Variants in ZNF652 observed in about 807,000 individuals in gnomAD.
The protein encoded by ZNF652 is zinc finger protein 652.
A neutral mutation model predicts 45.2 loss-of-function variants in ZNF652; 16 were observed. The ratio of observed to expected loss-of-function variants is 0.35; its 90% CI spans 0.24 to 0.54. The LOEUF is 0.54. Among genes scored for constraint, ZNF652 ranks in the 20% least tolerant of loss-of-function variants. ZNF652 has a pLI of 0.91. For synonymous variants in ZNF652, 250 were observed against 260.6 expected (o/e 0.96, Z 0.39); for missense variants, 614 against 765.6 (o/e 0.80, Z 2.34).
intron 1 of ZNF652, among the ~76,000 whole-genome samples, chr17:49,324,268 A>T (rs1051835191): frequency 6.6e-6 from 1 of 152,220 alleles, no homozygotes; most frequent in Non-Finnish European, 1.5e-5. Context: ...CTCGGCCTTC[A>T]AAGAAGTGAA....
intron 1 of ZNF652, among the ~76,000 whole-genome samples, chr17:49,349,265 T>C (rs2070244817): frequency 6.6e-6 from 1 of 152,082 alleles, no homozygotes; most frequent in East Asian, 1.9e-4. Context: ...CTACTAAAAA[T>C]ACAAAAATTT....
rs2069734001 is a variant in ZNF652 at position 49,312,719 on chromosome 17, G to A, written c.1027C>T (p.His343Tyr). 3 of 1,613,628 alleles carry A rather than the reference G, an allele frequency of 1.9e-6. No individual in the cohort carries two copies. Among genetic ancestry groups the A allele is most frequent in the Admixed American group, 1.7e-5 (1 of 59,884 alleles). ...ICEKKFYTMA[H>Y]VRKHMVAHTK... ...TTACCAACCATGTGTTTCCGCACAT[G>A]AGCCATGGTATAGAATTTCTTCTCA... Residue 343 changes from histidine (H) to tyrosine (Y), a missense_variant, in exon 3 of 6, where the codon CAT (histidine) becomes TAT (tyrosine). His to Tyr is a moderately conservative substitution (Grantham distance 83). Transcript: ENST00000430262.
intron 1 of ZNF652, among the ~76,000 whole-genome samples, chr17:49,334,388 G>A (rs2070058393): frequency 6.6e-6 from 1 of 152,140 alleles, no homozygotes; most frequent in African/African-American, 2.4e-5. Flanking sequence ...GGAGGCTAAG[G>A]TGGGAATATT....
At chr17:49,306,844 G>A (rs1458997846) in intron 5 of ZNF652, among the ~76,000 whole-genome samples, 2 of 152,000 alleles carry the variant, frequency 1.3e-5, no homozygotes, top group Non-Finnish European at 2.9e-5. Context: ...CCTCCCTGTC[G>A]TGGGCTCAAG....
At chr17:49,304,405 C>T (rs983484862) in intron 5 of ZNF652, among the ~76,000 whole-genome samples, 2 of 152,124 alleles carry the variant, frequency 1.3e-5, no homozygotes, top group Non-Finnish European at 2.9e-5. Context: ...CTCTAAATCT[C>T]ATTATTCATT....
At chr17:49,325,494 C>A (rs1342599434) in intron 1 of ZNF652, among the ~76,000 whole-genome samples, 2 of 152,062 alleles carry the variant, frequency 1.3e-5, no homozygotes, top group African/African-American at 2.4e-5. Flanking sequence ...GGGAGAATTA[C>A]CAAAATGTGA....
At chr17:49,341,241 AAAG>A (rs1433731789) in intron 1 of ZNF652, among the ~76,000 whole-genome samples, 1 of 151,996 alleles carries the variant, frequency 6.6e-6, no homozygotes, top group Non-Finnish European at 1.5e-5. Flanking sequence ...GAAGAAAAGA[AAAG>A]AAAAACTATG....
chr17:49,310,493 T>C (rs150758985), intron 5 of ZNF652, among the ~76,000 whole-genome samples: 1 of 152,348 alleles, frequency 6.6e-6, no homozygotes, highest in African/African-American at 2.4e-5. Flanking sequence ...ATCCATGCTA[T>C]GGAACATATG....
At chr17:49,346,267 C>T (rs1227744053) in intron 1 of ZNF652, among the ~76,000 whole-genome samples, 1 of 152,142 alleles carries the variant, frequency 6.6e-6, no homozygotes, top group Non-Finnish European at 1.5e-5. Context: ...AAAAAACAAA[C>T]AGGATGGGCT....
intron 1 of ZNF652, among the ~76,000 whole-genome samples, chr17:49,335,192 A>G (rs1183942933): frequency 1.3e-5 from 2 of 152,236 alleles, no homozygotes; most frequent in East Asian, 3.8e-4. Context: ...ATCTGAAGTA[A>G]TAAGATCATG....
chr17:49,309,971 T>A (rs937316357), intron 5 of ZNF652, among the ~76,000 whole-genome samples: 5 of 152,124 alleles, frequency 3.3e-5, no homozygotes, highest in African/African-American at 1.2e-4. Context: ...CTTTTTTTTT[T>A]GAGACGGAGT....
At position 49,317,315 on chromosome 17, in the gene ZNF652, G is replaced by A. The variant is rs769238381; in HGVS notation, c.411C>T (p.Val137=). The stretch of plus-strand genomic sequence containing the variant: ...CAGGAGTCTCTTTGGACTGAGAAGA[G>A]ACACCCTTTTCCCCTTTAGATACAT... ...TLNVSKGEKG[V]SSQSKETPVL... Residue 137 remains valine (V), a synonymous_variant, in exon 2 of 6, where the codon GTC becomes GTT. Transcript: ENST00000430262. 2 of 1,613,144 alleles carry A rather than the reference G, an allele frequency of 1.2e-6. No homozygotes were observed. The highest frequency in any genetic ancestry group is 1.3e-5 in the African/African-American group (1 of 74,872).
chr17:49,325,777 G>A (rs772075215), intron 1 of ZNF652, among the ~76,000 whole-genome samples: 2 of 152,164 alleles, frequency 1.3e-5, no homozygotes, highest in Non-Finnish European at 2.9e-5. Context: ...AGCCAAGACT[G>A]TGCCACTGCA....
intron 1 of ZNF652, among the ~76,000 whole-genome samples, chr17:49,322,143 A>G (rs1410479171): frequency 6.6e-6 from 1 of 152,226 alleles, no homozygotes; most frequent in Non-Finnish European, 1.5e-5. Context: ...TAGCTTTTCT[A>G]AAGAGACTAA....
intron 1 of ZNF652, among the ~76,000 whole-genome samples, chr17:49,329,804 G>A (rs925127529): frequency 6.6e-5 from 10 of 152,116 alleles, no homozygotes; most frequent in Non-Finnish European, 1.3e-4. Flanking sequence ...AAGGAGAGAC[G>A]CACTCTTCCT....
At chr17:49,340,328 G>T (rs2070131133) in intron 1 of ZNF652, among the ~76,000 whole-genome samples, 1 of 152,044 alleles carries the variant, frequency 6.6e-6, no homozygotes, top group Admixed American at 6.6e-5. Flanking sequence ...GGCCCAGGCG[G>T]GTGGATCACT....
rs530504968 is a variant in ZNF652 at position 49,322,778 on chromosome 17, G to A, written c.-258-4795C>T. Among the ~76,000 whole-genome samples the A allele has an allele frequency of 1.3e-3, 194 of 152,132 alleles. 1 individual carries two copies. Among genetic ancestry groups the A allele is most frequent in the African/African-American group, 3.9e-3 (163 of 41,424 alleles). On this transcript the variant is annotated intron_variant, in intron 1 of 5. Transcript: ENST00000430262. ...CAGGCACCTGTAGTCCGAGCTACTC[G>A]GGAGGCTGAGGCAGGAGAATGGCGT...
At chr17:49,288,616 C>T (rs1293008854), downstream of ZNF652, among the ~76,000 whole-genome samples, 5 of 152,262 alleles carry the variant, frequency 3.3e-5, no homozygotes, top group South Asian at 6.2e-4. Context: ...AGGGTTTCTC[C>T]ACTAGAAAGC....
chr17:49,296,495 AAAAT>A lies in ZNF652; in HGVS notation c.*1914_*1917del, dbSNP rs1308319201. ...CTGCACATTTAATATTAAAAATAAAAAAATAAATAAAAGCCAGCGTTCTGATTCA... is the reference window on the plus strand; with the variant it reads ...CTGCACATTTAATATTAAAAATAAAAAAATAAAAGCCAGCGTTCTGATTCA... On this transcript the variant is annotated 3_prime_UTR_variant, in exon 6 of 6. Transcript: ENST00000430262. 3 of 152,630 alleles carry A rather than the reference AAAAT, an allele frequency of 2.0e-5. No homozygotes were observed. Among genetic ancestry groups the A allele is most frequent in the East Asian group, 3.8e-4 (2 of 5,206 alleles). The allele number at this position is 152,630 out of a possible 1,614,324, so 9.5% of individuals were successfully genotyped here.
Sources: gnomAD v4.1 joint callset for allele counts (sites outside exome capture counted in the v4.1 genomes callset) on GRCh38, gnomAD v4.1.1 for gene constraint, MANE v1.5 for transcripts, NCBI Gene and HGNC (gene_info 2026-07-23, HGNC 2026-07-21) for gene names.